CFAP77: variants seen among roughly 807,000 people sequenced by gnomAD.
The protein encoded by CFAP77 is cilia and flagella associated protein 77.
A neutral mutation model predicts 31.1 loss-of-function variants in CFAP77; 25 were observed. The ratio of observed to expected loss-of-function variants is 0.80; its 90% CI spans 0.59 to 1.12. CFAP77 has a LOEUF of 1.12. Among genes scored for constraint, CFAP77 ranks in the 50% most tolerant of loss-of-function variants. The probability of loss-of-function intolerance (pLI) is 0.00; values close to 1 mark genes in which losing one functional copy is unlikely to be tolerated. For synonymous variants in CFAP77, 151 were observed against 159.9 expected, an observed-to-expected ratio of 0.94 and a Z score of 0.42; for missense variants, 377 against 397.3, an observed-to-expected ratio of 0.95 and a Z score of 0.44.
intron 1 of CFAP77, among the ~76,000 whole-genome samples, chr9:132,429,537 CA>C (rs762588728): frequency 0.045 from 1,789 of 39,506 alleles, 18 homozygotes; most frequent in African/African-American, 0.15. Flanking sequence ...GACTTCAACT[CA>C]AAAAAAAAAA....
At chr9:132,557,390 C>T (rs1852921878) in intron 5 of CFAP77, among the ~76,000 whole-genome samples, 2 of 152,336 alleles carry the variant, frequency 1.3e-5, no homozygotes, top group East Asian at 1.9e-4. Flanking sequence ...AAGCCCAGTG[C>T]GCACCGAAGT....
At chr9:132,537,402 C>T (rs539389827) in intron 3 of CFAP77, among the ~76,000 whole-genome samples, 199 bp from the exon 4 acceptor site, 2 of 152,168 alleles carry the variant, frequency 1.3e-5, no homozygotes, top group Non-Finnish European at 2.9e-5. Context: ...CTACCACCGT[C>T]CCAGGCCCAC....
chr9:132,445,879 A>C (rs1450885685), intron 1 of CFAP77, among the ~76,000 whole-genome samples: 2 of 151,704 alleles, frequency 1.3e-5, no homozygotes, highest in Non-Finnish European at 2.9e-5. Context: ...AAAAAAAAAA[A>C]AAAAAGAAAG....
At chr9:132,471,446 C>G (rs1418573933) in intron 1 of CFAP77, among the ~76,000 whole-genome samples, 12 of 151,772 alleles carry the variant, frequency 7.9e-5, no homozygotes, top group East Asian at 1.9e-4. Flanking sequence ...TTTAAGGACC[C>G]CCCCCCACCG....
intron 1 of CFAP77, among the ~76,000 whole-genome samples, chr9:132,458,357 G>GGGGGTGT (rs139008147): frequency 5.9e-5 from 7 of 119,044 alleles, no homozygotes; most frequent in Non-Finnish European, 8.6e-5. Context: ...GAGGGGGGGG[G>GGGGGTGT]GTGTGTATGG....
chr9:132,447,045 G>A (rs1850736040), intron 1 of CFAP77, among the ~76,000 whole-genome samples: 1 of 152,126 alleles, frequency 6.6e-6, no homozygotes, highest in Non-Finnish European at 1.5e-5. Flanking sequence ...GTGAGCCACT[G>A]GGCCTGCCCA....
At chr9:132,419,718 T>C (rs903336997) in intron 1 of CFAP77, among the ~76,000 whole-genome samples, 60 of 152,284 alleles carry the variant, frequency 3.9e-4, no homozygotes, top group Admixed American at 1.6e-3. Flanking sequence ...AGACTGCTAA[T>C]GAACCCATCA....
Position 132,481,543 on chromosome 9 carries a change from AGAG to A in CFAP77, c.196-17145_196-17143del, listed in dbSNP as rs1322704366. On this transcript the variant is annotated intron_variant, in intron 1 of 5. Coordinates refer to ENST00000393216, the MANE Select transcript of CFAP77 (RefSeq NM_001282957.2). The surrounding 1 kb of genome is among the most constrained non-coding windows in gnomAD (Gnocchi z 5.0). ...CGGTGGCTGCTGCCCCGCTCCTGCT[AGAG>A]GAGGAGAAGCATTGCTGCTGAGGCC... Among the ~76,000 whole-genome samples, 1 of 152,136 alleles carries A rather than the reference AGAG, an allele frequency of 6.6e-6. No individual in the cohort carries two copies. Among genetic ancestry groups the A allele is most frequent in the African/African-American group, 2.4e-5 (1 of 41,436 alleles).
intron 3 of CFAP77, among the ~76,000 whole-genome samples, chr9:132,524,760 T>G (rs562994299): frequency 6.6e-6 from 1 of 151,768 alleles, no homozygotes; most frequent in Non-Finnish European, 1.5e-5. Context: ...ACCATTCTCC[T>G]GCGTCAGCCT....
At chr9:132,567,887 A>T (rs575960278) in intron 5 of CFAP77, among the ~76,000 whole-genome samples, 1 of 151,936 alleles carries the variant, frequency 6.6e-6, no homozygotes, top group Non-Finnish European at 1.5e-5. Context: ...GATGCTTGTG[A>T]TTGGATTTAG....
At chr9:132,484,486 T>C (rs1232977880) in intron 1 of CFAP77, among the ~76,000 whole-genome samples, 1 of 152,212 alleles carries the variant, frequency 6.6e-6, no homozygotes, top group Non-Finnish European at 1.5e-5. Flanking sequence ...GGTTCATACA[T>C]GTGGCCTTTT....
At chr9:132,519,642 AGATGGATG>A (rs1170866405) in intron 3 of CFAP77, among the ~76,000 whole-genome samples, 683 of 41,594 alleles carry the variant, frequency 0.016, 8 homozygotes, top group Middle Eastern at 0.083. Context: ...GTGGATGGGC[AGATGGATG>A]GATGGATGGA....
chr9:132,475,568 A>G lies in CFAP77; in HGVS notation c.196-23127A>G, dbSNP rs947465695. 2.0e-5 allele frequency among the ~76,000 whole-genome samples: 3 copies of G among 152,244 alleles called. No homozygotes were observed. In the South Asian group the frequency reaches 6.2e-4, roughly 32 times the overall value. On this transcript the variant is annotated intron_variant, in intron 1 of 5. Transcript: ENST00000393216. ...CTCAGTCAAGGGGTAAATCCACAGG[A>G]GTTAGGCAGGGAGAAGTGTCTCGGT...
intron 1 of CFAP77, among the ~76,000 whole-genome samples, chr9:132,493,223 T>A (rs1851678304): frequency 6.6e-6 from 1 of 152,114 alleles, no homozygotes; most frequent in South Asian, 2.1e-4. Flanking sequence ...AGTGTCCAAA[T>A]CTGCTTCTTG....
intron 1 of CFAP77, among the ~76,000 whole-genome samples, chr9:132,446,419 C>CCTAA (rs1473870819): frequency 6.6e-6 from 1 of 151,834 alleles, no homozygotes; most frequent in Non-Finnish European, 1.5e-5. Flanking sequence ...TCACTCTTCA[C>CCTAA]CTAACTACCG....
intron 5 of CFAP77, among the ~76,000 whole-genome samples, chr9:132,553,684 A>G (rs1028038300): frequency 1.3e-5 from 2 of 152,206 alleles, no homozygotes; most frequent in African/African-American, 4.8e-5. Context: ...CCCAGGGCAG[A>G]GTTCTGAATG....
Position 132,455,636 on chromosome 9 carries a change from T to C in CFAP77, c.196-43059T>C, listed in dbSNP as rs946592660. Reference sequence around the variant, plus strand: ...GTCCCAGCTACTCAGGAGGCTGAGGTGGGAGGATCGCTTGAGCCTGGGAGG... The same window carrying C: ...GTCCCAGCTACTCAGGAGGCTGAGGCGGGAGGATCGCTTGAGCCTGGGAGG... On this transcript the variant is annotated intron_variant, in intron 1 of 5. Coordinates refer to ENST00000393216, the MANE Select transcript of CFAP77 (RefSeq NM_001282957.2). This position sits in a 1 kb window ranked among gnomAD's most constrained non-coding sequence, Gnocchi z 4.1. Among the ~76,000 whole-genome samples, 1 of 151,812 alleles carries C rather than the reference T, an allele frequency of 6.6e-6. No individual in the cohort carries two copies. Among genetic ancestry groups the C allele is most frequent in the Non-Finnish European group, 1.5e-5 (1 of 67,980 alleles).
intron 1 of CFAP77, chr9:132,482,313 G>A: frequency 6.2e-7 from 1 of 1,612,664 alleles, no homozygotes; most frequent in Non-Finnish European, 8.5e-7. Flanking sequence ...TTCGTAGGCT[G>A]CCGGCCCGGC....
intron 1 of CFAP77, chr9:132,482,461 G>C: frequency 6.6e-7 from 1 of 1,524,746 alleles, no homozygotes; most frequent in East Asian, 2.3e-5. Context: ...TGGAGAAAAA[G>C]GGGAAAAGAG....
Sources: allele counts gnomAD v4.1 joint callset (sites outside exome capture counted in the v4.1 genomes callset), GRCh38; gene constraint gnomAD v4.1.1; non-coding constraint Gnocchi (gnomAD v3.1); transcripts MANE v1.5; gene names NCBI Gene and HGNC (gene_info 2026-07-23, HGNC 2026-07-21).